ARHGAP22: variants seen among roughly 807,000 people sequenced by gnomAD.
The protein encoded by ARHGAP22 is rho GTPase-activating protein 22.
A neutral mutation model predicts 59.1 loss-of-function variants in ARHGAP22; 48 were observed. The observed-to-expected ratio is 0.81, with a 90% CI of 0.64 to 1.03. The LOEUF is 1.03. Ranked by LOEUF, ARHGAP22 falls within the 50% of genes least tolerant of loss-of-function variation. The pLI is 0.00. For synonymous variants in ARHGAP22, 445 were observed against 416.4 expected (o/e 1.07, Z -0.84); for missense variants, 1,015 against 958.7 (o/e 1.06, Z -0.78).
At chr10:48,467,455 CT>C (rs760761588) in intron 4 of ARHGAP22, among the ~76,000 whole-genome samples, 671 of 141,808 alleles carry the variant, frequency 4.7e-3, no homozygotes, top group African/African-American at 4.7e-3. Context: ...GGGCAGAATT[CT>C]TTTTTTTTTT....
intron 4 of ARHGAP22, among the ~76,000 whole-genome samples, chr10:48,466,152 C>T (rs533305765): frequency 1.3e-5 from 2 of 152,234 alleles, no homozygotes; most frequent in East Asian, 3.9e-4. Flanking sequence ...CCTGGGGCCG[C>T]CGGTCCCACA....
intron 1 of ARHGAP22, among the ~76,000 whole-genome samples, chr10:48,650,074 T>C (rs2136210891): frequency 6.9e-6 from 1 of 145,084 alleles, no homozygotes; most frequent in Non-Finnish European, 1.5e-5. Flanking sequence ...AGAAGAAAGA[T>C]AAACACACAG....
intron 2 of ARHGAP22, among the ~76,000 whole-genome samples, chr10:48,577,584 C>T (rs1216369739): frequency 2.0e-5 from 3 of 152,110 alleles, no homozygotes; most frequent in Non-Finnish European, 4.4e-5. Flanking sequence ...TGGATAGAGA[C>T]TGGGGCCTAA....
intron 3 of ARHGAP22, among the ~76,000 whole-genome samples, chr10:48,541,627 G>C (rs2055945372): frequency 6.6e-6 from 1 of 152,152 alleles, no homozygotes; most frequent in African/African-American, 2.4e-5. Flanking sequence ...AACAGGCTGT[G>C]GGGTCAGGCA....
intron 3 of ARHGAP22, chr10:48,510,881 C>T (rs2052693544): frequency 6.6e-6 from 1 of 152,270 alleles, no homozygotes; most frequent in South Asian, 2.1e-4. Context: ...AACGAGAAGG[C>T]TGAGCCAGGT....
intron 5 of ARHGAP22, among the ~76,000 whole-genome samples, chr10:48,456,914 C>A (rs1743361904): frequency 6.6e-6 from 1 of 152,070 alleles, no homozygotes; most frequent in African/African-American, 2.4e-5. Flanking sequence ...GTCCCCTTCC[C>A]CCCTCCAACA....
Position 48,652,238 on chromosome 10 carries a change from A to C in ARHGAP22, c.48T>G (p.Tyr16Ter). ...AGAACATAAAAAAATTCTTACTGAA[A>C]TATCTGGCTGCAAACGTCCTCCTTT... The change falls in exon 1 of 10, where the codon TAT becomes TAG. Residue 16 changes from tyrosine (Y) to a stop codon, truncating the protein, a stop_gained. Transcript: ENST00000435790. LOFTEE classifies it high-confidence loss of function. 6.5e-7 allele frequency: 1 copy of C among 1,535,510 alleles called. No individual in the cohort carries two copies. Among genetic ancestry groups the C allele is most frequent in the Non-Finnish European group, 8.7e-7 (1 of 1,146,722 alleles).
upstream of ARHGAP22, among the ~76,000 whole-genome samples, chr10:48,655,265 GGGGGGGC>G (rs2062773282): frequency 3.5e-5 from 5 of 143,560 alleles, no homozygotes; most frequent in African/African-American, 1.3e-4. Flanking sequence ...GTGGGGGGGG[GGGGGGGC>G]GGGGGACGCT....
intron 8 of ARHGAP22, 96 bp from the exon 9 acceptor site, chr10:48,451,236 G>A: frequency 1.3e-6 from 2 of 1,506,556 alleles, no homozygotes; most frequent in Non-Finnish European, 1.8e-6. Context: ...CGTGGGAGCT[G>A]GCCCTGTCCC....
intron 3 of ARHGAP22, among the ~76,000 whole-genome samples, chr10:48,517,627 T>A (rs1202412327): frequency 6.6e-6 from 1 of 152,104 alleles, no homozygotes; most frequent in Non-Finnish European, 1.5e-5. Flanking sequence ...TCTGGAGCCA[T>A]GAGAGCCAAC....
At chr10:48,498,891 C>T (rs2051219879) in intron 3 of ARHGAP22, among the ~76,000 whole-genome samples, 1 of 152,198 alleles carries the variant, frequency 6.6e-6, no homozygotes, top group Non-Finnish European at 1.5e-5. Context: ...TTCTATTTTA[C>T]AGGCTGCCCT....
chr10:48,435,514 G>A, the ARHGAP22 span: 1 of 152,288 alleles, frequency 6.6e-6, no homozygotes, highest in African/African-American at 2.4e-5. Context: ...CCAGAGGAGT[G>A]AGGGAAAATA....
chr10:48,547,768 G>A (rs531738942), intron 3 of ARHGAP22, among the ~76,000 whole-genome samples: 33 of 152,354 alleles, frequency 2.2e-4, no homozygotes, highest in Admixed American at 5.9e-4. Context: ...GAGTGTGGGG[G>A]GCCATCGGCT....
At chr10:48,648,880 G>C (rs751514291) in intron 1 of ARHGAP22, among the ~76,000 whole-genome samples, 1 of 152,210 alleles carries the variant, frequency 6.6e-6, no homozygotes, top group Non-Finnish European at 1.5e-5. Flanking sequence ...CATCCATATG[G>C]ATGTGTTGAG....
chr10:48,566,035 G>A (rs1463170636), intron 2 of ARHGAP22, among the ~76,000 whole-genome samples: 1 of 152,214 alleles, frequency 6.6e-6, no homozygotes, highest in Non-Finnish European at 1.5e-5. Context: ...GTTTGTGACA[G>A]TTTGAGGTCT....
chr10:48,599,522 A>C (rs1193467429), intron 1 of ARHGAP22, among the ~76,000 whole-genome samples: 4 of 152,262 alleles, frequency 2.6e-5, no homozygotes, highest in Non-Finnish European at 5.9e-5. Context: ...TGTTTGGAAT[A>C]GCCAATCTTT....
chr10:48,477,535 A>G (rs928936270), intron 4 of ARHGAP22, among the ~76,000 whole-genome samples: 21 of 152,224 alleles, frequency 1.4e-4, no homozygotes, highest in African/African-American at 4.8e-4. Context: ...TTCATATGGA[A>G]TTGCTGGGAC....
chr10:48,491,139 T>A (rs554084740), intron 3 of ARHGAP22, among the ~76,000 whole-genome samples: 1 of 151,986 alleles, frequency 6.6e-6, no homozygotes, highest in East Asian at 1.9e-4. Context: ...CTGCTCAACA[T>A]CCCCCAGCAG....
At chr10:48,560,725 C>A (rs538599933) in intron 2 of ARHGAP22, among the ~76,000 whole-genome samples, 3 of 152,268 alleles carry the variant, frequency 2.0e-5, no homozygotes, top group East Asian at 3.9e-4. Context: ...ATATTGAATG[C>A]TGTCAGATGC....
Sources: gnomAD v4.1 joint callset for allele counts (sites outside exome capture counted in the v4.1 genomes callset) on GRCh38, gnomAD v4.1.1 for gene constraint, MANE v1.5 for transcripts, NCBI Gene and HGNC (gene_info 2026-07-23, HGNC 2026-07-21) for gene names.